The following B3GALNT2 variants were observed in gnomAD, a reference collection of about 807,000 sequenced individuals.
The protein encoded by B3GALNT2 is beta-1,3-N-acetylgalactosaminyltransferase 2.
In B3GALNT2, 53 loss-of-function variants were observed where a neutral mutation model predicts 61.1. That is an observed-to-expected ratio of 0.87 (90% CI 0.70 to 1.09). The LOEUF (loss-of-function observed/expected upper bound fraction) is 1.09. Ranked by LOEUF, B3GALNT2 falls within the 50% of genes least tolerant of loss-of-function variation. The pLI is 0.00. For synonymous variants in B3GALNT2, 223 were observed against 237.4 expected (o/e 0.94, Z 0.56); for missense variants, 544 against 623.0 (o/e 0.87, Z 1.35).
At chr1:235,488,473 G>T (rs1684905994) in intron 3 of B3GALNT2, among the ~76,000 whole-genome samples, 1 of 151,602 alleles carries the variant, frequency 6.6e-6, no homozygotes, top group South Asian at 2.1e-4. Flanking sequence ...CACAAGGTCA[G>T]GAGTTCGAGG....
chr1:235,479,920 A>T lies in B3GALNT2; in HGVS notation c.651+134T>A, dbSNP rs79887983. 1.9e-3 allele frequency: 2,662 copies of T among 1,419,226 alleles called. 44 individuals carry two copies. The African/African-American group carries it at 0.034, about 18-fold the overall frequency. 87.9% of individuals were successfully genotyped at this position (1,419,226 alleles called of 1,614,324 possible). A position where few individuals can be genotyped will look rare whatever the true frequency, so the allele number is the denominator to read the frequency against. ...GAGTGCTATGTTTTAGCCCATCCACAGTTGGTACCTTCATCTATCACTCTG... is the reference window on the plus strand; with the variant it reads ...GAGTGCTATGTTTTAGCCCATCCACTGTTGGTACCTTCATCTATCACTCTG... On this transcript the variant is annotated intron_variant, in intron 5 of 11. Transcript: ENST00000366600.
At chr1:235,451,745 C>G (rs1053754447) in intron 11 of B3GALNT2, 2 of 152,204 alleles carry the variant, frequency 1.3e-5, no homozygotes, top group Non-Finnish European at 2.9e-5. Flanking sequence ...ACAGACACTG[C>G]ATGTGCCTTC....
downstream of B3GALNT2, among the ~76,000 whole-genome samples, chr1:235,445,650 C>T (rs1032391633): frequency 6.6e-6 from 1 of 151,808 alleles, no homozygotes. Context: ...TAAAACAAAA[C>T]AAAACAAAAC....
chr1:235,504,268 C>G lies in B3GALNT2; in HGVS notation c.-16G>C. 2 of 1,486,226 alleles carry G rather than the reference C, an allele frequency of 1.3e-6. No individual in the cohort carries two copies. Among genetic ancestry groups the G allele is most frequent in the South Asian group, 1.2e-5 (1 of 80,494 alleles). 92.1% of individuals were successfully genotyped at this position (1,486,226 alleles called of 1,614,324 possible). A position where few individuals can be genotyped will look rare whatever the true frequency, so the allele number is the denominator to read the frequency against. On this transcript the variant is annotated 5_prime_UTR_variant, in exon 1 of 12. Coordinates refer to ENST00000366600, the MANE Select transcript of B3GALNT2 (RefSeq NM_152490.5). ...AGTTTCGCATTGGCCGCCCCCGCCG[C>G]GAGCCGGGCTCTCCCGCGTCCCGGC...
chr1:235,503,363 C>T (rs1291848892), intron 1 of B3GALNT2, among the ~76,000 whole-genome samples: 1 of 152,206 alleles, frequency 6.6e-6, no homozygotes, highest in Non-Finnish European at 1.5e-5. Context: ...AACCCACTAA[C>T]AAAACAATCC....
intron 5 of B3GALNT2, among the ~76,000 whole-genome samples, chr1:235,473,028 C>A (rs1427593164): frequency 1.3e-5 from 2 of 152,160 alleles, no homozygotes; most frequent in Admixed American, 1.3e-4. Flanking sequence ...GATTCTCCTG[C>A]CTCAGCCTCC....
rs763640897 is a variant in B3GALNT2 at position 235,448,715 on chromosome 1, C to T, written c.*1491G>A. 10 of 1,613,910 alleles carry T rather than the reference C, an allele frequency of 6.2e-6. No homozygotes were observed. Among genetic ancestry groups the T allele is most frequent in the Non-Finnish European group, 7.6e-6 (9 of 1,179,976 alleles). On this transcript the variant is annotated 3_prime_UTR_variant, in exon 12 of 12. Transcript: ENST00000366600. ...GCTGGAAAATGACCTAAAGTCATTA[C>T]AGTTTTATTCTGTGGAAAATGGAGA...
chr1:235,453,210 A>G, intron 10 of B3GALNT2, 64 bp from the exon 11 acceptor site: 1 of 1,442,852 alleles, frequency 6.9e-7, no homozygotes. Flanking sequence ...TAAAGACAAA[A>G]CCATAGCCAC....
At chr1:235,444,716 T>C (rs931077096), downstream of B3GALNT2, among the ~76,000 whole-genome samples, 3 of 152,258 alleles carry the variant, frequency 2.0e-5, no homozygotes, top group Non-Finnish European at 4.4e-5. Flanking sequence ...GCCAGGACTT[T>C]CTGTGAATGT....
At position 235,489,373 on chromosome 1, in the gene B3GALNT2, T is replaced by C. The variant is rs867898473; in HGVS notation, c.261-105A>G. 256 of 1,514,618 alleles carry C rather than the reference T, an allele frequency of 1.7e-4. 1 individual carries two copies. The Middle Eastern group carries it at 4.5e-3, about 27-fold the overall frequency. The allele number at this position is 1,514,618 out of a possible 1,614,324, so 93.8% of individuals were successfully genotyped here. A position where few individuals can be genotyped will look rare whatever the true frequency, so the allele number is the denominator to read the frequency against. ...TTTTACTTTGAGACACAAGTGTTTATGAGGATTAATTCTCTACCTTTATTC... is the reference window on the plus strand; with the variant it reads ...TTTTACTTTGAGACACAAGTGTTTACGAGGATTAATTCTCTACCTTTATTC... On this transcript the variant is annotated intron_variant, in intron 2 of 11. Transcript: ENST00000366600.
chr1:235,468,507 C>T lies in B3GALNT2; in HGVS notation c.762+2343G>A, dbSNP rs934196664. On this transcript the variant is annotated intron_variant, in intron 6 of 11. Coordinates refer to ENST00000366600, the MANE Select transcript of B3GALNT2 (RefSeq NM_152490.5). ...CTCGCACTGTAGCCAGGCTGGAGTG[C>T]AGTGGCGCGATCTTGGCTCACTGCA... Among the ~76,000 whole-genome samples, 6 of 137,150 alleles carry T rather than the reference C, an allele frequency of 4.4e-5. No individual in the cohort carries two copies. The Admixed American group carries it at 4.9e-4, about 11-fold the overall frequency. The allele number at this position is 137,150 out of a possible 152,430, so 90.0% of individuals were successfully genotyped here.
chr1:235,475,533 C>T (rs1424282478), intron 5 of B3GALNT2, among the ~76,000 whole-genome samples: 1 of 152,168 alleles, frequency 6.6e-6, no homozygotes, highest in Non-Finnish European at 1.5e-5. Context: ...TCTTCTGTTA[C>T]TCTTTGCTGA....
chr1:235,442,007 AATTT>A, the B3GALNT2 span: 1 of 830,632 alleles, frequency 1.2e-6, no homozygotes, highest in Non-Finnish European at 1.9e-6. Context: ...TTTAAATGAA[AATTT>A]TTTTTTTTTT....
rs1353497961 is a variant in B3GALNT2 at position 235,447,524 on chromosome 1, G to GTGTATTAAACACATTGTGT, written c.*2681_*2682insACACAATGTGTTTAATACA. 2.1e-4 allele frequency among the ~76,000 whole-genome samples: 32 copies of GTGTATTAAACACATTGTGT among 152,288 alleles called. No individual in the cohort carries two copies. The South Asian group carries it at 4.8e-3, about 23-fold the overall frequency. On this transcript the variant is annotated 3_prime_UTR_variant, in exon 12 of 12. Coordinates refer to ENST00000366600, the MANE Select transcript of B3GALNT2 (RefSeq NM_152490.5). ...GTGTATGTTTAATACAGTTACACAT[G>GTGTATTAAACACATTGTGT]ATGTAATTACAGAATGGCGGCGCTG... is the stretch of plus-strand genomic sequence containing the variant.
downstream of B3GALNT2, among the ~76,000 whole-genome samples, chr1:235,443,645 C>CTGTGT: frequency 6.6e-6 from 1 of 152,282 alleles, no homozygotes; most frequent in East Asian, 1.9e-4. Flanking sequence ...AAGAGAGGAG[C>CTGTGT]TGTGTCCTGG....
intron 6 of B3GALNT2, among the ~76,000 whole-genome samples, chr1:235,466,312 G>A (rs1193174845): frequency 6.2e-5 from 9 of 144,894 alleles, no homozygotes; most frequent in South Asian, 2.1e-4. Flanking sequence ...CAGGTGATCC[G>A]CCTGCCTCAG....
At chr1:235,467,642 G>A (rs1683772232) in intron 6 of B3GALNT2, among the ~76,000 whole-genome samples, 1 of 151,502 alleles carries the variant, frequency 6.6e-6, no homozygotes, top group African/African-American at 2.4e-5. Context: ...AGCACACCTG[G>A]CTAATTTTTG....
In B3GALNT2 at chr1:235,449,062, C is replaced by CTAAT. The variant is rs2102959682; in HGVS notation, c.*1140_*1143dup. 3.0e-6 allele frequency: 1 copy of CTAAT among 333,070 alleles called. No individual in the cohort carries two copies. 20.6% of individuals were successfully genotyped at this position (333,070 alleles called of 1,614,324 possible). On this transcript the variant is annotated 3_prime_UTR_variant, in exon 12 of 12. Transcript: ENST00000366600. ...ATTAAATAGAAAGAAACTAGCTAGCCTAATAAAATCTGAACACAGTTAATA... is the reference window on the plus strand; with the variant it reads ...ATTAAATAGAAAGAAACTAGCTAGCCTAATTAATAAAATCTGAACACAGTTAATA...
chr1:235,454,368 A>C, intron 9 of B3GALNT2, 53 bp from the exon 10 acceptor site: 1 of 1,478,160 alleles, frequency 6.8e-7, no homozygotes, highest in Non-Finnish European at 9.3e-7. Flanking sequence ...ATATCCTGCC[A>C]CTATTAAAAC....
Sources: gnomAD v4.1 joint callset for allele counts (sites outside exome capture counted in the v4.1 genomes callset) on GRCh38, gnomAD v4.1.1 for gene constraint, MANE v1.5 for transcripts, NCBI Gene and HGNC (gene_info 2026-07-23, HGNC 2026-07-21) for gene names.